Variants in NRG3 observed in about 807,000 individuals in gnomAD.
The protein encoded by NRG3 is pro-neuregulin-3, membrane-bound isoform.
NRG3 carries 31 observed loss-of-function variants against 66.9 expected under a neutral mutation model. The observed-to-expected ratio is 0.46, with a 90% confidence interval of 0.35 to 0.63. The LOEUF is 0.63. Ranked by LOEUF, NRG3 falls within the 20% of genes least tolerant of loss-of-function variation. The probability of loss-of-function intolerance (pLI) is 0.00; values close to 1 mark genes in which losing one functional copy is unlikely to be tolerated. For missense variants in NRG3, 910 were observed against 878.9 expected (o/e 1.04, Z -0.45); for synonymous variants, 393 against 359.4 (o/e 1.09, Z -1.06).
At chr10:82,651,338 A>ACT (rs2133891048) in intron 2 of NRG3, among the ~76,000 whole-genome samples, 1 of 152,334 alleles carries the variant, frequency 6.6e-6, no homozygotes, top group South Asian at 2.1e-4. Flanking sequence ...ATATTTCCTA[A>ACT]TAAGGGGAAA....
At chr10:82,349,670 G>T (rs932943044) in intron 1 of NRG3, among the ~76,000 whole-genome samples, 1 of 151,934 alleles carries the variant, frequency 6.6e-6, no homozygotes, top group African/African-American at 2.4e-5. Context: ...CAACCTCGCT[G>T]CCGCCTTGCA....
intron 4 of NRG3, among the ~76,000 whole-genome samples, chr10:82,919,953 A>C (rs1846262964): frequency 6.6e-6 from 1 of 152,158 alleles, no homozygotes; most frequent in Admixed American, 6.6e-5. Flanking sequence ...AACTAGAGCC[A>C]AAGATGGATT....
chr10:81,926,576 C>G (rs1169028473), intron 1 of NRG3, among the ~76,000 whole-genome samples: 3 of 151,710 alleles, frequency 2.0e-5, no homozygotes, highest in Non-Finnish European at 4.4e-5. Flanking sequence ...TTATTTATGC[C>G]ACATGACAAG....
At chr10:82,209,347 T>A (rs971440752) in intron 1 of NRG3, among the ~76,000 whole-genome samples, 24 of 99,858 alleles carry the variant, frequency 2.4e-4, no homozygotes, top group Admixed American at 1.9e-3. Context: ...CATATTACAC[T>A]CTCTCTCTCA....
Position 82,332,080 on chromosome 10 carries a change from C to A in NRG3, c.824-26659C>A, listed in dbSNP as rs553145121. Among the ~76,000 whole-genome samples, 3 of 152,298 alleles carry A rather than the reference C, an allele frequency of 2.0e-5. No homozygotes were observed. The East Asian group carries it at 5.8e-4, about 29-fold the overall frequency. The stretch of plus-strand genomic sequence containing the variant: ...CGGAACCATGGTCACATAAAGTTGT[C>A]TGTCACCCAAAGGGAATCATAAAGA... On this transcript the variant is annotated intron_variant, in intron 1 of 8. Coordinates refer to ENST00000372141, the MANE Select transcript of NRG3 (RefSeq NM_001010848.4).
intron 2 of NRG3, among the ~76,000 whole-genome samples, chr10:82,561,838 CAT>C (rs1182439291): frequency 6.6e-6 from 1 of 152,042 alleles, no homozygotes; most frequent in Non-Finnish European, 1.5e-5. Context: ...GAGGAAAAGA[CAT>C]AGAGGTGAGG....
intron 1 of NRG3, among the ~76,000 whole-genome samples, chr10:82,358,432 A>G (rs1488960201): frequency 6.6e-6 from 1 of 152,180 alleles, no homozygotes; most frequent in Non-Finnish European, 1.5e-5. Flanking sequence ...AACTGAAATT[A>G]ATGAGGGTGG....
chr10:82,602,094 TAAAC>T (rs895970883), intron 2 of NRG3, among the ~76,000 whole-genome samples: 3 of 151,438 alleles, frequency 2.0e-5, no homozygotes, highest in African/African-American at 7.3e-5. Flanking sequence ...AAAAAATAAA[TAAAC>T]AATAAAAAAT....
At chr10:82,447,649 A>G (rs534488272) in intron 2 of NRG3, among the ~76,000 whole-genome samples, 2 of 152,342 alleles carry the variant, frequency 1.3e-5, no homozygotes, top group South Asian at 4.1e-4. Flanking sequence ...AATTTGCCTC[A>G]TTGTTGTATT....
chr10:82,384,395 CCATTAG>C (rs1226358082), intron 2 of NRG3, among the ~76,000 whole-genome samples: 1 of 152,102 alleles, frequency 6.6e-6, no homozygotes, highest in East Asian at 1.9e-4. Context: ...CACCCAGAAT[CCATTAG>C]CTATTCTTCC....
At chr10:82,607,992 A>G (rs1422776252) in intron 2 of NRG3, among the ~76,000 whole-genome samples, 2 of 152,170 alleles carry the variant, frequency 1.3e-5, no homozygotes. Flanking sequence ...GATCAATAAG[A>G]AAAAGGAAAG....
intron 2 of NRG3, among the ~76,000 whole-genome samples, chr10:82,514,718 T>G (rs1264369077): frequency 6.6e-6 from 1 of 152,164 alleles, no homozygotes; most frequent in Non-Finnish European, 1.5e-5. Context: ...CGTTTCCATA[T>G]GAATTTTAAA....
intron 2 of NRG3, among the ~76,000 whole-genome samples, chr10:82,489,698 C>T (rs1842945235): frequency 6.6e-6 from 1 of 152,150 alleles, no homozygotes; most frequent in African/African-American, 2.4e-5. Context: ...AAACAAATGA[C>T]ATTTATTTCA....
intron 2 of NRG3, among the ~76,000 whole-genome samples, chr10:82,667,792 TTTGTTCAC>T (rs2052920314): frequency 1.3e-5 from 2 of 152,168 alleles, no homozygotes; most frequent in African/African-American, 4.8e-5. Flanking sequence ...CTAGTAACTC[TTTGTTCAC>T]CCCAAGAACA....
intron 4 of NRG3, among the ~76,000 whole-genome samples, chr10:82,927,006 G>A (rs1282115306): frequency 6.6e-6 from 1 of 152,132 alleles, no homozygotes; most frequent in African/African-American, 2.4e-5. Context: ...GGCTCTCCCT[G>A]GCTCAGTTCC....
chr10:82,622,233 G>A (rs1376548568), intron 2 of NRG3, among the ~76,000 whole-genome samples: 3 of 150,122 alleles, frequency 2.0e-5, no homozygotes, highest in African/African-American at 7.4e-5. Flanking sequence ...TGCAGTGATG[G>A]TGCTTCCTTT....
intron 1 of NRG3, among the ~76,000 whole-genome samples, chr10:82,258,129 G>A (rs2077829641): frequency 6.6e-6 from 1 of 152,208 alleles, no homozygotes. Flanking sequence ...TCCAGATGCA[G>A]CAGTGCTGTA....
chr10:82,778,825 C>T (rs946653305), intron 3 of NRG3, among the ~76,000 whole-genome samples: 1 of 151,990 alleles, frequency 6.6e-6, no homozygotes, highest in Non-Finnish European at 1.5e-5. Flanking sequence ...CTGGTTGGTT[C>T]AGTTGCTGGG....
chr10:82,768,809 A>C (rs1006835065), intron 3 of NRG3, among the ~76,000 whole-genome samples: 2 of 152,156 alleles, frequency 1.3e-5, no homozygotes, highest in African/African-American at 4.8e-5. Context: ...CTTTTGACAG[A>C]AAATCCATGT....
Sources: gnomAD v4.1 joint callset for allele counts (sites outside exome capture counted in the v4.1 genomes callset) on GRCh38, gnomAD v4.1.1 for gene constraint, MANE v1.5 for transcripts, NCBI Gene and HGNC (gene_info 2026-07-23, HGNC 2026-07-21) for gene names.